Variants in ZBTB20 observed in about 807,000 individuals in gnomAD.
The protein encoded by ZBTB20 is zinc finger and BTB domain containing 20.
ZBTB20 carries 9 observed loss-of-function variants against 56.9 expected under a neutral mutation model. The observed-to-expected ratio is 0.16, with a 90% confidence interval of 0.10 to 0.28. ZBTB20 has a LOEUF of 0.28. Among genes scored for constraint, ZBTB20 ranks in the 10% least tolerant of loss-of-function variants. ZBTB20 has a pLI of 1.00. For missense variants in ZBTB20, 655 were observed against 1,003.0 expected, an observed-to-expected ratio of 0.65 and a Z score of 4.69; for synonymous variants, 417 against 420.7, an observed-to-expected ratio of 0.99 and a Z score of 0.11.
At chr3:115,129,950 C>T (rs2084454430) in intron 1 of ZBTB20, among the ~76,000 whole-genome samples, 1 of 151,864 alleles carries the variant, frequency 6.6e-6, no homozygotes, top group Admixed American at 6.5e-5. Context: ...GCTGACATAT[C>T]AAAAGGCTTA....
chr3:114,525,412 A>G (rs1001992762), intron 6 of ZBTB20, among the ~76,000 whole-genome samples: 1 of 151,614 alleles, frequency 6.6e-6, no homozygotes, highest in Non-Finnish European at 1.5e-5. Flanking sequence ...TCATTTCACT[A>G]CTCCCCCAAA....
intron 3 of ZBTB20, among the ~76,000 whole-genome samples, chr3:114,934,048 A>G (rs2076447491): frequency 6.6e-6 from 1 of 152,022 alleles, no homozygotes. Context: ...GCACCTCTCC[A>G]TCTCTGGAAT....
chr3:114,727,685 T>A (rs558711119), intron 5 of ZBTB20, among the ~76,000 whole-genome samples: 149 of 152,338 alleles, frequency 9.8e-4, no homozygotes, highest in Middle Eastern at 3.4e-3. Context: ...AAACATGTTG[T>A]GTTTGAAGAT....
In ZBTB20 at chr3:114,796,967, T is replaced by C. The variant is rs542855063; in HGVS notation, c.-343+4134A>G. 2.4e-4 allele frequency among the ~76,000 whole-genome samples: 37 copies of C among 151,994 alleles called. No individual in the cohort carries two copies. The South Asian group carries it at 7.7e-3, about 32-fold the overall frequency. On this transcript the variant is annotated intron_variant, in intron 5 of 11. Coordinates refer to ENST00000675478, the MANE Select transcript of ZBTB20 (RefSeq NM_001348800.3). Reference sequence around the variant, plus strand: ...TGTCAAGTCATGAGAAGAGTATGAATGTGGAGTATGACAGATGTGATCACA... The same window carrying C: ...TGTCAAGTCATGAGAAGAGTATGAACGTGGAGTATGACAGATGTGATCACA...
intron 2 of ZBTB20, among the ~76,000 whole-genome samples, chr3:114,989,442 T>C (rs2078701615): frequency 6.6e-6 from 1 of 152,158 alleles, no homozygotes; most frequent in Non-Finnish European, 1.5e-5. Flanking sequence ...GAGGGCTCTG[T>C]TCTGTTCCAT....
At chr3:115,024,236 A>C (rs1305152867) in intron 2 of ZBTB20, among the ~76,000 whole-genome samples, 1 of 151,044 alleles carries the variant, frequency 6.6e-6, no homozygotes, top group Non-Finnish European at 1.5e-5. Flanking sequence ...TTAGCCAATA[A>C]ATATTTACTG....
At chr3:115,098,444 T>C (rs527818103) in intron 1 of ZBTB20, among the ~76,000 whole-genome samples, 24 of 152,244 alleles carry the variant, frequency 1.6e-4, no homozygotes, top group South Asian at 8.3e-4. Flanking sequence ...TAAAATTGTA[T>C]ATGAAAAACA....
chr3:114,786,387 G>A (rs903115312), intron 5 of ZBTB20, among the ~76,000 whole-genome samples: 1 of 151,958 alleles, frequency 6.6e-6, no homozygotes, highest in African/African-American at 2.4e-5. Context: ...GTGAGAACAT[G>A]CGGTGTTTGG....
chr3:115,103,244 C>A (rs918726755), intron 1 of ZBTB20, among the ~76,000 whole-genome samples: 28 of 152,186 alleles, frequency 1.8e-4, no homozygotes, highest in African/African-American at 6.7e-4. Context: ...GTAGAAAGAT[C>A]CTAAAGTGGA....
intron 7 of ZBTB20, among the ~76,000 whole-genome samples, chr3:114,427,230 A>G (rs1380094698): frequency 6.6e-6 from 1 of 152,224 alleles, no homozygotes; most frequent in East Asian, 1.9e-4. Context: ...TTAATATTAT[A>G]TTCATAAAAC....
At chr3:114,866,349 C>T (rs2107516768) in intron 4 of ZBTB20, among the ~76,000 whole-genome samples, 1 of 151,978 alleles carries the variant, frequency 6.6e-6, no homozygotes, top group Non-Finnish European at 1.5e-5. Context: ...CTAGTAAGGG[C>T]AATCTCACTC....
intron 1 of ZBTB20, among the ~76,000 whole-genome samples, chr3:115,079,883 T>C (rs1312865425): frequency 6.6e-6 from 1 of 152,242 alleles, no homozygotes; most frequent in Non-Finnish European, 1.5e-5. Flanking sequence ...TAATGGATAC[T>C]AGAAATAGAG....
chr3:115,079,904 G>A (rs112726428), intron 1 of ZBTB20, among the ~76,000 whole-genome samples: 1 of 152,136 alleles, frequency 6.6e-6, no homozygotes, highest in African/African-American at 2.4e-5. Context: ...TGCCTACAAT[G>A]TGCTGGGGAA....
chr3:114,628,336 C>G (rs2058754146), intron 6 of ZBTB20, among the ~76,000 whole-genome samples: 1 of 152,080 alleles, frequency 6.6e-6, no homozygotes, highest in South Asian at 2.1e-4. Flanking sequence ...AAATAGCTTT[C>G]CCATGTAGAA....
chr3:114,667,442 G>A (rs933884732), intron 6 of ZBTB20, among the ~76,000 whole-genome samples: 3 of 152,052 alleles, frequency 2.0e-5, no homozygotes, highest in Non-Finnish European at 4.4e-5. Context: ...AAAGAAATGG[G>A]TCCATACTAT....
chr3:114,566,134 C>G (rs2110329121), intron 6 of ZBTB20, among the ~76,000 whole-genome samples: 1 of 151,904 alleles, frequency 6.6e-6, no homozygotes, highest in African/African-American at 2.4e-5. Context: ...CAGTCACTCA[C>G]ATTTGTTTTT....
intron 7 of ZBTB20, among the ~76,000 whole-genome samples, chr3:114,468,171 C>A (rs1450350904): frequency 6.6e-6 from 1 of 152,132 alleles, no homozygotes; most frequent in East Asian, 1.9e-4. Flanking sequence ...GCCAAAGTGG[C>A]AGTGTAGCAT....
At chr3:114,877,524 G>A (rs1037891535) in intron 4 of ZBTB20, among the ~76,000 whole-genome samples, 13 of 152,294 alleles carry the variant, frequency 8.5e-5, no homozygotes, top group Admixed American at 7.2e-4. Context: ...ATTCAAGAAG[G>A]AAAATGCTGC....
At position 114,335,423 on chromosome 3, in the gene ZBTB20, A is replaced by G. The variant is rs2079418672; in HGVS notation, c.*3582T>C. 6.6e-6 allele frequency: 1 copy of G among 152,224 alleles called. No homozygotes were observed. Among genetic ancestry groups the G allele is most frequent in the Admixed American group, 6.5e-5 (1 of 15,292 alleles). The allele number at this position is 152,224 out of a possible 1,614,324, so 9.4% of individuals were successfully genotyped here. A position where few individuals can be genotyped will look rare whatever the true frequency, so the allele number is the denominator to read the frequency against. On this transcript the variant is annotated 3_prime_UTR_variant, in exon 12 of 12. Coordinates refer to ENST00000675478, the MANE Select transcript of ZBTB20 (RefSeq NM_001348800.3). The stretch of plus-strand genomic sequence containing the variant: ...GATTTTGAAGCAAATGTCTTTCCCT[A>G]TTTCTAAAGATATTTGTGATTGTTT...
Sources: gnomAD v4.1 joint callset for allele counts (sites outside exome capture counted in the v4.1 genomes callset) on GRCh38, gnomAD v4.1.1 for gene constraint, MANE v1.5 for transcripts, NCBI Gene and HGNC (gene_info 2026-07-23, HGNC 2026-07-21) for gene names.